Variants in TENM3 observed in about 807,000 individuals in gnomAD.
TENM3 encodes the protein teneurin-3.
A neutral mutation model predicts 255.1 loss-of-function variants in TENM3; 63 were observed. That is an observed-to-expected ratio of 0.25 (90% CI 0.20 to 0.30). TENM3 has a LOEUF of 0.30. Among genes scored for constraint, TENM3 ranks in the 10% least tolerant of loss-of-function variants. The pLI, the probability that TENM3 is intolerant of heterozygous loss-of-function variation, is 1.00. For synonymous variants in TENM3, 1,306 were observed against 1,322.3 expected, an observed-to-expected ratio of 0.99 and a Z score of 0.27; for missense variants, 2,929 against 3,461.1, an observed-to-expected ratio of 0.85 and a Z score of 3.86.
At chr4:182,140,862 T>C (rs1749350440), upstream of TENM3, among the ~76,000 whole-genome samples, 1 of 152,238 alleles carries the variant, frequency 6.6e-6, no homozygotes, top group African/African-American at 2.4e-5. Context: ...GACACTCGGC[T>C]GAGACTTGAC....
chr4:181,481,485 A>C, the TENM3 span, among the ~76,000 whole-genome samples: 1 of 152,336 alleles, frequency 6.6e-6, no homozygotes, highest in African/African-American at 2.4e-5. Flanking sequence ...ATAGACTGAC[A>C]GATGGAAGAG....
chr4:182,045,589 T>C, the TENM3 span, among the ~76,000 whole-genome samples: 1 of 152,102 alleles, frequency 6.6e-6, no homozygotes, highest in African/African-American at 2.4e-5. Context: ...GTGAGCAAAA[T>C]GGACTTGTTG....
At chr4:182,777,294 T>A (rs2152803375) in intron 24 of TENM3, among the ~76,000 whole-genome samples, 1 of 152,274 alleles carries the variant, frequency 6.6e-6, no homozygotes, top group African/African-American at 2.4e-5. Context: ...TGTCACATGG[T>A]GGACACTCAA....
At chr4:182,100,096 A>G in the TENM3 span, among the ~76,000 whole-genome samples, 7,553 of 151,782 alleles carry the variant, frequency 0.05, 618 homozygotes, top group African/African-American at 0.17. Context: ...CTAACACACA[A>G]TTTGCCTTTA....
At chr4:182,009,279 C>T in the TENM3 span, among the ~76,000 whole-genome samples, 2 of 152,154 alleles carry the variant, frequency 1.3e-5, no homozygotes, top group African/African-American at 4.8e-5. Flanking sequence ...CAGTGTGTTT[C>T]GCTGGAGGGA....
At chr4:182,100,600 C>CATATATACACACACAT in the TENM3 span, among the ~76,000 whole-genome samples, 1 of 22,148 alleles carries the variant, frequency 4.5e-5, no homozygotes, top group Non-Finnish European at 8.5e-5. Context: ...CATATATACA[C>CATATATACACACACAT]ATATATACAC....
At chr4:181,728,241 G>C in the TENM3 span, among the ~76,000 whole-genome samples, 1 of 152,134 alleles carries the variant, frequency 6.6e-6, no homozygotes, top group African/African-American at 2.4e-5. Flanking sequence ...GCAGTTACGG[G>C]AAAGGGGTCC....
chr4:181,909,357 A>G, the TENM3 span, among the ~76,000 whole-genome samples: 4 of 152,224 alleles, frequency 2.6e-5, no homozygotes, highest in Admixed American at 2.0e-4. Context: ...AGGTGGGTCT[A>G]TTCCCCACAT....
At chr4:182,362,370 T>C (rs1234270262) in intron 3 of TENM3, among the ~76,000 whole-genome samples, 3 of 5,732 alleles carry the variant, frequency 5.2e-4, no homozygotes, top group Middle Eastern at 0.071. Context: ...TGGTGGGCTC[T>C]ACCCAGTTGG....
Position 182,174,402 on chromosome 4 carries a change from A to G in TENM3, c.-76+29648A>G, listed in dbSNP as rs563856473. Among the ~76,000 whole-genome samples, 39 of 150,394 alleles carry G rather than the reference A, an allele frequency of 2.6e-4. 1 individual carries two copies. Among genetic ancestry groups the G allele is most frequent in the African/African-American group, 8.5e-4 (35 of 41,184 alleles). On this transcript the variant is annotated intron_variant, in intron 1 of 2. Transcript: ENST00000512480. ...TGTATGTGGCTGCAAAAAAAAAAAA[A>G]AAGCTCTGGATAGCTGCCTACTTTT...
intron 3 of TENM3, among the ~76,000 whole-genome samples, chr4:182,529,223 G>A (rs1019963270): frequency 2.6e-5 from 4 of 152,196 alleles, no homozygotes; most frequent in Admixed American, 1.3e-4. Context: ...TTGGGAGGGA[G>A]GGCGGAGAAC....
the TENM3 span, among the ~76,000 whole-genome samples, chr4:181,729,740 C>T: frequency 3.9e-5 from 6 of 152,240 alleles, no homozygotes; most frequent in African/African-American, 1.4e-4. Context: ...CCTGCCGGCC[C>T]ACGAGGGCAT....
chr4:181,702,190 T>C, the TENM3 span, among the ~76,000 whole-genome samples: 1 of 152,250 alleles, frequency 6.6e-6, no homozygotes, highest in Non-Finnish European at 1.5e-5. Context: ...ACTGAGGCTA[T>C]GGACAACGTT....
At chr4:182,542,643 G>A (rs545351426) in intron 3 of TENM3, among the ~76,000 whole-genome samples, 1 of 152,180 alleles carries the variant, frequency 6.6e-6, no homozygotes, top group Admixed American at 6.5e-5. Context: ...CAAGCCCTGG[G>A]CTTTATCTTC....
chr4:181,623,127 C>T, the TENM3 span, among the ~76,000 whole-genome samples: 1 of 152,218 alleles, frequency 6.6e-6, no homozygotes, highest in South Asian at 2.1e-4. Flanking sequence ...TTAAATCACA[C>T]AAAGTTGACA....
chr4:181,489,518 T>C, the TENM3 span, among the ~76,000 whole-genome samples: 2 of 152,200 alleles, frequency 1.3e-5, no homozygotes, highest in Admixed American at 6.5e-5. Flanking sequence ...TCAGGAACAT[T>C]AACATTTGAT....
chr4:182,568,783 T>C (rs2152005703), intron 3 of TENM3, among the ~76,000 whole-genome samples: 1 of 152,272 alleles, frequency 6.6e-6, no homozygotes, highest in South Asian at 2.1e-4. Flanking sequence ...TTCAATGGAA[T>C]AATATTAAAC....
At chr4:181,870,191 T>C in the TENM3 span, among the ~76,000 whole-genome samples, 1 of 152,194 alleles carries the variant, frequency 6.6e-6, no homozygotes, top group Non-Finnish European at 1.5e-5. Context: ...TGAATAGTAT[T>C]TCATTGATTA....
At chr4:182,669,741 T>C (rs1755047098) in intron 6 of TENM3, among the ~76,000 whole-genome samples, 1 of 152,226 alleles carries the variant, frequency 6.6e-6, no homozygotes, top group South Asian at 2.1e-4. Flanking sequence ...ATATTTTTGT[T>C]TTAATAAAAA....
Sources: allele counts gnomAD v4.1 joint callset (sites outside exome capture counted in the v4.1 genomes callset), GRCh38; gene constraint gnomAD v4.1.1; transcripts MANE v1.5; gene names NCBI Gene and HGNC (gene_info 2026-07-23, HGNC 2026-07-21).